PKHD1: variants seen among roughly 807,000 people sequenced by gnomAD.
The protein encoded by PKHD1 is PKHD1 ciliary IPT domain containing fibrocystin/polyductin, also known as fibrocystin.
Under a neutral mutation model 412.0 loss-of-function variants are expected in PKHD1, and 291 were observed. The ratio of observed to expected loss-of-function variants is 0.71; its 90% confidence interval spans 0.64 to 0.78. The LOEUF (loss-of-function observed/expected upper bound fraction) is 0.78, where lower values mean the gene tolerates loss of function less well. PKHD1 is among the 30% of genes least tolerant of loss of function. PKHD1 has a pLI of 0.00. For missense variants in PKHD1, 4,825 were observed against 4,950.7 expected, an observed-to-expected ratio of 0.97 and a Z score of 0.76; for synonymous variants, 1,777 against 1,821.5, an observed-to-expected ratio of 0.98 and a Z score of 0.62.
At chr6:51,909,599 T>A in intron 39 of PKHD1, 125 bp from the exon 40 acceptor site, 1 of 739,078 alleles carries the variant, frequency 1.4e-6, no homozygotes, top group Non-Finnish European at 2.4e-6. Context: ...CATTTAATAA[T>A]CTTATTTCCC....
chr6:51,911,989 A>G, intron 38 of PKHD1, 33 bp from the exon 39 acceptor site: 1 of 1,536,772 alleles, frequency 6.5e-7, no homozygotes, highest in Non-Finnish European at 9.0e-7. Flanking sequence ...AGAACTGAGG[A>G]CATCACTCCA....
intron 48 of PKHD1, among the ~76,000 whole-genome samples, chr6:51,866,935 A>G (rs1357400819): frequency 1.3e-5 from 2 of 152,148 alleles, no homozygotes; most frequent in African/African-American, 4.8e-5. Context: ...TAGAAAGCAA[A>G]AATGAAAAAT....
At chr6:51,834,579 G>T (rs553314006) in intron 51 of PKHD1, among the ~76,000 whole-genome samples, 1 of 152,102 alleles carries the variant, frequency 6.6e-6, no homozygotes, top group East Asian at 1.9e-4. Flanking sequence ...TGGCAAAAAC[G>T]ATATTGCAAT....
rs1776023587 is a variant in PKHD1, at chr6:51,871,841, T to A, written c.7351-1202A>T. On this transcript the variant is annotated intron_variant, in intron 46 of 66. Coordinates refer to ENST00000371117, the MANE Select transcript of PKHD1 (RefSeq NM_138694.4). The stretch of plus-strand genomic sequence containing the variant: ...TTGAGGATTACCAGAATTTTTGCAA[T>A]CACTCCCAACATGAAAAATGATGAA... Among the ~76,000 whole-genome samples, 2 of 117,524 alleles carry A rather than the reference T, an allele frequency of 1.7e-5. 1 individual carries two copies. The highest frequency in any genetic ancestry group is 4.2e-5 in the Non-Finnish European group (2 of 47,544). The allele number at this position is 117,524 out of a possible 152,430, so 77.1% of individuals were successfully genotyped here.
At chr6:51,725,282 A>C (rs1399585207) in intron 60 of PKHD1, among the ~76,000 whole-genome samples, 6 of 152,192 alleles carry the variant, frequency 3.9e-5, no homozygotes, top group African/African-American at 1.4e-4. Context: ...GATCTTTTTT[A>C]AACAGGACTG....
chr6:52,074,399 G>A (rs1238251862), intron 6 of PKHD1, among the ~76,000 whole-genome samples: 1 of 152,182 alleles, frequency 6.6e-6, no homozygotes, highest in Non-Finnish European at 1.5e-5. Flanking sequence ...ATGACCTAAT[G>A]ACAGGCAAAG....
intron 36 of PKHD1, among the ~76,000 whole-genome samples, chr6:51,950,246 A>C (rs1790159713): frequency 9.3e-6 from 1 of 107,392 alleles, no homozygotes; most frequent in Admixed American, 1.1e-4. Context: ...TATATGAAAT[A>C]AAATCACTGA....
chr6:51,655,853 C>T (rs940982121), intron 61 of PKHD1, among the ~76,000 whole-genome samples: 13 of 152,002 alleles, frequency 8.6e-5, no homozygotes, highest in African/African-American at 3.1e-4. Flanking sequence ...TGCTGGTGAG[C>T]CTGTGGAGAA....
chr6:51,752,924 C>CT (rs1156586562), intron 57 of PKHD1, among the ~76,000 whole-genome samples: 3 of 152,136 alleles, frequency 2.0e-5, no homozygotes, highest in Admixed American at 6.6e-5. Flanking sequence ...ATTAAATCAT[C>CT]TATAATTTCA....
At position 51,850,111 on chromosome 6, in the gene PKHD1, T is replaced by C. The variant is rs140943885; in HGVS notation, c.7912-2141A>G. On this transcript the variant is annotated intron_variant, in intron 49 of 66. Transcript: ENST00000371117. ...AGGTTCAGTTTCAGTTTTCTGCATATGGCTACCCAGTTTTCCCAGCACCAT... is the reference window on the plus strand; with the variant it reads ...AGGTTCAGTTTCAGTTTTCTGCATACGGCTACCCAGTTTTCCCAGCACCAT... 6.2e-3 allele frequency among the ~76,000 whole-genome samples: 945 copies of C among 152,360 alleles called. 16 individuals carry two copies. Among genetic ancestry groups the C allele is most frequent in the Admixed American group, 8.6e-3 (132 of 15,306 alleles).
intron 52 of PKHD1, among the ~76,000 whole-genome samples, chr6:51,829,559 T>C (rs1361653899): frequency 2.0e-5 from 3 of 152,064 alleles, no homozygotes; most frequent in South Asian, 2.1e-4. Context: ...CACGAGCTTG[T>C]TTATTCAAAA....
At chr6:51,995,693 T>C (rs1797637677) in intron 35 of PKHD1, among the ~76,000 whole-genome samples, 1 of 152,252 alleles carries the variant, frequency 6.6e-6, no homozygotes, top group Non-Finnish European at 1.5e-5. Flanking sequence ...ATCTTTATTA[T>C]CACATGATTA....
chr6:51,719,293 T>C (rs1332354593), intron 60 of PKHD1, among the ~76,000 whole-genome samples: 1 of 152,086 alleles, frequency 6.6e-6, no homozygotes, highest in African/African-American at 2.4e-5. Flanking sequence ...ACTGCAGCCT[T>C]GACCTCCTGG....
intron 12 of PKHD1, 133 bp downstream of exon 12, chr6:52,065,843 C>T (rs771049331): frequency 1.0e-5 from 7 of 687,008 alleles, no homozygotes; most frequent in South Asian, 1.6e-5. Context: ...CAACCAAACA[C>T]ATGACTTATC....
intron 48 of PKHD1, among the ~76,000 whole-genome samples, chr6:51,862,890 C>G (rs1774431124): frequency 6.6e-6 from 1 of 152,142 alleles, no homozygotes; most frequent in East Asian, 1.9e-4. Context: ...AAATTATTCC[C>G]TATTTTTCAG....
chr6:51,791,507 C>A (rs1318522538), intron 52 of PKHD1, 134 bp from the exon 53 acceptor site: 2 of 769,724 alleles, frequency 2.6e-6, no homozygotes, highest in Non-Finnish European at 4.4e-6. Context: ...ACTGGAAGAA[C>A]AAATAGTCTG....
chr6:51,933,274 A>T (rs1786935220), intron 37 of PKHD1, among the ~76,000 whole-genome samples: 1 of 152,242 alleles, frequency 6.6e-6, no homozygotes, highest in Admixed American at 6.5e-5. Flanking sequence ...TCAGAAAGCA[A>T]ATAAAGTTGG....
chr6:51,761,060 C>T (rs1420278527), intron 55 of PKHD1, among the ~76,000 whole-genome samples: 2 of 152,020 alleles, frequency 1.3e-5, no homozygotes, highest in African/African-American at 4.8e-5. Context: ...TATGATCCAG[C>T]AATCCATCTT....
At chr6:51,840,246 T>G (rs528502468) in intron 50 of PKHD1, among the ~76,000 whole-genome samples, 4 of 152,208 alleles carry the variant, frequency 2.6e-5, no homozygotes, top group East Asian at 1.9e-4. Flanking sequence ...CACACTCCTG[T>G]CTGATTCCAG....
Sources: allele counts gnomAD v4.1 joint callset (sites outside exome capture counted in the v4.1 genomes callset), GRCh38; gene constraint gnomAD v4.1.1; transcripts MANE v1.5; gene names NCBI Gene and HGNC (gene_info 2026-07-23, HGNC 2026-07-21).